The following NKAIN2 variants were observed in gnomAD, a reference collection of about 807,000 sequenced individuals.
NKAIN2 encodes sodium/potassium transporting ATPase interacting 2.
A neutral mutation model predicts 32.6 loss-of-function variants in NKAIN2; 14 were observed. The ratio of observed to expected loss-of-function variants is 0.43; its 90% confidence interval spans 0.28 to 0.67. The LOEUF is 0.67. Among genes scored for constraint, NKAIN2 ranks in the 30% least tolerant of loss-of-function variants. The probability of loss-of-function intolerance (pLI) is 0.17; values close to 1 mark genes in which losing one functional copy is unlikely to be tolerated. For missense variants in NKAIN2, 198 were observed against 258.3 expected (o/e 0.77, Z 1.60); for synonymous variants, 80 against 87.2 (o/e 0.92, Z 0.46).
At chr6:124,798,841 G>GTCA (rs1445066751) in intron 5 of NKAIN2, among the ~76,000 whole-genome samples, 3 of 152,092 alleles carry the variant, frequency 2.0e-5, no homozygotes, top group African/African-American at 7.2e-5. Context: ...GATTCACTCA[G>GTCA]GATGGAAGAA....
intron 3 of NKAIN2, among the ~76,000 whole-genome samples, chr6:124,656,690 A>G (rs1426856702): frequency 6.6e-6 from 1 of 152,056 alleles, no homozygotes; most frequent in Non-Finnish European, 1.5e-5. Flanking sequence ...GGTGATGGTA[A>G]AGATTCAGCC....
At chr6:124,697,486 G>A (rs1379886448) in intron 4 of NKAIN2, among the ~76,000 whole-genome samples, 1 of 152,034 alleles carries the variant, frequency 6.6e-6, no homozygotes, top group Non-Finnish European at 1.5e-5. Context: ...TCGCAGTTAT[G>A]AGTACACTTC....
intron 3 of NKAIN2, among the ~76,000 whole-genome samples, chr6:124,556,810 T>C (rs749945864): frequency 6.6e-6 from 1 of 152,196 alleles, no homozygotes. Context: ...ACTAGTCCTA[T>C]AATTGGTGAG....
intron 3 of NKAIN2, among the ~76,000 whole-genome samples, chr6:124,556,510 C>A (rs961801431): frequency 6.6e-6 from 1 of 152,244 alleles, no homozygotes; most frequent in African/African-American, 2.4e-5. Flanking sequence ...CCCTCATATG[C>A]TCTGTCTTAT....
intron 1 of NKAIN2, among the ~76,000 whole-genome samples, chr6:124,250,895 G>A (rs967889556): frequency 6.6e-6 from 1 of 151,944 alleles, no homozygotes; most frequent in African/African-American, 2.4e-5. Flanking sequence ...GATGGTCAGA[G>A]GTGTTGATAT....
intron 1 of NKAIN2, among the ~76,000 whole-genome samples, chr6:123,817,783 A>G (rs1048830584): frequency 6.6e-6 from 1 of 152,170 alleles, no homozygotes; most frequent in Admixed American, 6.6e-5. Flanking sequence ...GGCATGGGGA[A>G]AAAACAGGAT....
At chr6:124,657,990 T>C (rs867538718) in intron 3 of NKAIN2, among the ~76,000 whole-genome samples, 196 bp from the exon 4 acceptor site, 1 of 151,912 alleles carries the variant, frequency 6.6e-6, no homozygotes, top group Non-Finnish European at 1.5e-5. Flanking sequence ...GGAAAAACCT[T>C]CATAAGTAGG....
At chr6:124,067,674 T>G (rs1485197103) in intron 1 of NKAIN2, among the ~76,000 whole-genome samples, 2 of 152,180 alleles carry the variant, frequency 1.3e-5, no homozygotes, top group African/African-American at 2.4e-5. Flanking sequence ...TGTGGTATAG[T>G]GGTAAAACAT....
At chr6:124,337,502 G>A (rs538924760) in intron 2 of NKAIN2, among the ~76,000 whole-genome samples, 1 of 152,124 alleles carries the variant, frequency 6.6e-6, no homozygotes, top group African/African-American at 2.4e-5. Flanking sequence ...GTGAGACCCT[G>A]TCTCAAAAAA....
chr6:124,379,859 T>G (rs1772547887), intron 3 of NKAIN2, among the ~76,000 whole-genome samples: 1 of 152,110 alleles, frequency 6.6e-6, no homozygotes, highest in Non-Finnish European at 1.5e-5. Context: ...CTTACCTGAG[T>G]AATTTCCTTG....
At chr6:124,246,501 T>C (rs1426616576) in intron 1 of NKAIN2, among the ~76,000 whole-genome samples, 5 of 152,118 alleles carry the variant, frequency 3.3e-5, no homozygotes, top group Admixed American at 6.6e-5. Context: ...ATAACTCAGT[T>C]ATCCCTCTAT....
chr6:124,738,125 A>G (rs1455958594), intron 4 of NKAIN2, among the ~76,000 whole-genome samples: 1 of 151,916 alleles, frequency 6.6e-6, no homozygotes, highest in Non-Finnish European at 1.5e-5. Context: ...TCTATTTTAT[A>G]TTGGCATTAG....
At chr6:124,009,467 G>C (rs939776917) in intron 1 of NKAIN2, among the ~76,000 whole-genome samples, 2 of 152,294 alleles carry the variant, frequency 1.3e-5, no homozygotes, top group Admixed American at 6.5e-5. Context: ...TCACAAATAC[G>C]TGAAAATAAT....
At chr6:124,257,863 T>G (rs1190896135) in intron 1 of NKAIN2, among the ~76,000 whole-genome samples, 1 of 150,988 alleles carries the variant, frequency 6.6e-6, no homozygotes, top group Non-Finnish European at 1.5e-5. Flanking sequence ...ACTACAACAT[T>G]TGCCTCCAGG....
intron 1 of NKAIN2, among the ~76,000 whole-genome samples, chr6:123,943,323 T>C (rs1776907660): frequency 6.6e-6 from 1 of 152,054 alleles, no homozygotes; most frequent in Non-Finnish European, 1.5e-5. Flanking sequence ...ATACAGCTTG[T>C]TTTCACCCTA....
intron 2 of NKAIN2, among the ~76,000 whole-genome samples, chr6:124,295,006 A>G (rs73773719): frequency 0.048 from 7,253 of 150,810 alleles, 596 homozygotes; most frequent in African/African-American, 0.17. Context: ...TTTTTATGGG[A>G]GTGTCATGCA....
chr6:124,523,000 G>A (rs895248511), intron 3 of NKAIN2, among the ~76,000 whole-genome samples: 16 of 141,604 alleles, frequency 1.1e-4, no homozygotes, highest in African/African-American at 3.9e-4. Context: ...AAAATTAGCC[G>A]GGCGTAGTGG....
At chr6:124,531,218 G>T (rs1057357102) in intron 3 of NKAIN2, among the ~76,000 whole-genome samples, 2 of 152,150 alleles carry the variant, frequency 1.3e-5, no homozygotes, top group Non-Finnish European at 2.9e-5. Flanking sequence ...AATGTTTGTT[G>T]CTTAAGCCAC....
At chr6:124,592,206 T>C (rs912060505) in intron 3 of NKAIN2, among the ~76,000 whole-genome samples, 4 of 152,190 alleles carry the variant, frequency 2.6e-5, no homozygotes, top group African/African-American at 9.6e-5. Context: ...TCATTAGCTT[T>C]GAGGACAAAA....
Sources: gnomAD v4.1 joint callset for allele counts (sites outside exome capture counted in the v4.1 genomes callset) on GRCh38, gnomAD v4.1.1 for gene constraint, MANE v1.5 for transcripts, NCBI Gene and HGNC (gene_info 2026-07-23, HGNC 2026-07-21) for gene names.